The following UIMC1 variants were observed in gnomAD, a reference collection of about 807,000 sequenced individuals.
UIMC1 encodes BRCA1-A complex subunit RAP80.
A neutral mutation model predicts 84.9 loss-of-function variants in UIMC1; 42 were observed. The observed-to-expected ratio is 0.49, with a 90% CI of 0.39 to 0.64. The LOEUF (loss-of-function observed/expected upper bound fraction) is 0.64. Among genes scored for constraint, UIMC1 ranks in the 30% least tolerant of loss-of-function variants. The pLI is 0.00. For synonymous variants in UIMC1, 281 were observed against 293.0 expected (o/e 0.96, Z 0.42); for missense variants, 825 against 847.6 (o/e 0.97, Z 0.33).
chr5:176,950,043 A>C (rs1765650617), intron 9 of UIMC1, among the ~76,000 whole-genome samples: 1 of 151,086 alleles, frequency 6.6e-6, no homozygotes, highest in African/African-American at 2.4e-5. Flanking sequence ...AGACAAGAGC[A>C]AGACTTTGTC....
intron 1 of UIMC1, among the ~76,000 whole-genome samples, chr5:177,014,061 T>TC (rs201881697): frequency 0.083 from 12,004 of 144,418 alleles, 960 homozygotes; most frequent in African/African-American, 0.23. Flanking sequence ...TCTTTTCTTT[T>TC]TTTTTTTTTT....
chr5:176,953,547 C>CTTACAGGA (rs1228442071), intron 8 of UIMC1, among the ~76,000 whole-genome samples: 1 of 145,954 alleles, frequency 6.9e-6, no homozygotes, highest in Admixed American at 6.7e-5. Context: ...TGGAAAAAGG[C>CTTACAGGA]TTACAGGACA....
rs1449777020 is a variant in UIMC1 at position 176,960,619 on chromosome 5, C to A, written c.1201-2465G>T. On this transcript the variant is annotated intron_variant, in intron 6 of 14. Coordinates refer to ENST00000511320, the MANE Select transcript of UIMC1 (RefSeq NM_001199298.2). ...TTCAGCCCTCTCTCCCTCTCCCCCT[C>A]CCCCTCCCCCTCCGTCTCCGTCTCC... Among the ~76,000 whole-genome samples the A allele has an allele frequency of 6.9e-4, 8 of 11,592 alleles. 2 individuals are homozygous for A. In the South Asian group the frequency reaches 0.026, roughly 38 times the overall value. 7.6% of individuals were successfully genotyped at this position (11,592 alleles called of 152,430 possible).
In UIMC1 at chr5:176,958,011, C is replaced by T. The variant is rs538335218; in HGVS notation, c.1262+82G>A. 477 of 1,375,308 alleles carry T rather than the reference C, an allele frequency of 3.5e-4. 3 individuals are homozygous for T. In the African/African-American group the frequency reaches 5.5e-3, roughly 16 times the overall value. The allele number at this position is 1,375,308 out of a possible 1,614,324, so 85.2% of individuals were successfully genotyped here. Reference sequence around the variant, plus strand: ...TAAAAGTTCTCTGGCAAGCTGTCCACGTACAGTCTCACTCATGTGGTTCAT... The same window carrying T: ...TAAAAGTTCTCTGGCAAGCTGTCCATGTACAGTCTCACTCATGTGGTTCAT... On this transcript the variant is annotated intron_variant, in intron 7 of 14. Transcript: ENST00000511320.
intron 1 of UIMC1, among the ~76,000 whole-genome samples, chr5:177,015,868 G>A (rs1423509743): frequency 2.0e-5 from 3 of 152,010 alleles, no homozygotes; most frequent in Admixed American, 6.6e-5. Flanking sequence ...TCAAGAGTTC[G>A]AGACCAGTTT....
chr5:176,992,539 C>G (rs960046260), intron 1 of UIMC1, among the ~76,000 whole-genome samples: 2 of 151,304 alleles, frequency 1.3e-5, no homozygotes, highest in African/African-American at 2.4e-5. Flanking sequence ...ATAAATTTGA[C>G]TTTATTGAAA....
chr5:176,986,569 C>G (rs2456178), intron 1 of UIMC1, among the ~76,000 whole-genome samples: 84,058 of 145,202 alleles, frequency 0.58, 25,954 homozygotes, highest in African/African-American at 0.81. Flanking sequence ...GCTGGGCACA[C>G]TGGCTCACAC....
intron 2 of UIMC1, among the ~76,000 whole-genome samples, chr5:176,979,037 A>C (rs1231535224): frequency 6.6e-6 from 1 of 152,180 alleles, no homozygotes; most frequent in Non-Finnish European, 1.5e-5. Context: ...ATAAATGCCT[A>C]CCTAAAATAC....
chr5:177,018,428 G>A (rs143513605), intron 1 of UIMC1, among the ~76,000 whole-genome samples: 122 of 152,216 alleles, frequency 8.0e-4, no homozygotes, highest in African/African-American at 2.7e-3. Flanking sequence ...CTATAGTTTC[G>A]TTTGCACATG....
At chr5:176,967,121 T>A (rs911503200) in intron 6 of UIMC1, among the ~76,000 whole-genome samples, 1 of 152,204 alleles carries the variant, frequency 6.6e-6, no homozygotes, top group Non-Finnish European at 1.5e-5. Context: ...GGAGGGCAAT[T>A]TGGCAACAGC....
chr5:176,917,092 T>A (rs1182111225), intron 10 of UIMC1, among the ~76,000 whole-genome samples: 2 of 152,140 alleles, frequency 1.3e-5, no homozygotes, highest in Non-Finnish European at 2.9e-5. Flanking sequence ...TAGAAAATAA[T>A]GGGAAGCCAC....
chr5:176,946,503 C>G (rs1416536009), intron 9 of UIMC1, among the ~76,000 whole-genome samples: 1 of 151,586 alleles, frequency 6.6e-6, no homozygotes, highest in South Asian at 2.1e-4. Flanking sequence ...CAGAGCAAAA[C>G]TCTGCCTCCA....
intron 10 of UIMC1, among the ~76,000 whole-genome samples, chr5:176,918,273 T>C (rs1370381163): frequency 2.6e-5 from 4 of 152,200 alleles, no homozygotes; most frequent in African/African-American, 9.7e-5. Flanking sequence ...CCATATGAAG[T>C]TGCAGTTTTT....
chr5:176,959,121 G>A (rs560092960), intron 6 of UIMC1, among the ~76,000 whole-genome samples: 1 of 152,304 alleles, frequency 6.6e-6, no homozygotes, highest in South Asian at 2.1e-4. Flanking sequence ...TACAATAATA[G>A]GGAATATAGT....
intron 1 of UIMC1, among the ~76,000 whole-genome samples, chr5:177,020,330 T>G (rs1176177552): frequency 1.3e-5 from 2 of 152,248 alleles, no homozygotes; most frequent in African/African-American, 4.8e-5. Flanking sequence ...AAATGTCATT[T>G]TCCCAGAGGC....
intron 4 of UIMC1, chr5:176,970,121 A>C (rs1768970735): frequency 5.8e-6 from 1 of 173,186 alleles, no homozygotes; most frequent in Admixed American, 5.6e-5. Context: ...AAATACAAAA[A>C]ATTAGCTGGG....
intron 1 of UIMC1, among the ~76,000 whole-genome samples, chr5:176,991,717 G>C (rs891154951): frequency 6.6e-6 from 1 of 151,482 alleles, no homozygotes; most frequent in Non-Finnish European, 1.5e-5. Flanking sequence ...CAGATCACGA[G>C]GTCAGGAGAT....
At chr5:176,915,671 G>T (rs1166525306) in intron 10 of UIMC1, among the ~76,000 whole-genome samples, 1 of 151,034 alleles carries the variant, frequency 6.6e-6, no homozygotes, top group East Asian at 1.9e-4. Context: ...GGGCAGGCTG[G>T]TCTTGAACTC....
intron 1 of UIMC1, among the ~76,000 whole-genome samples, chr5:177,014,010 T>C (rs1775618013): frequency 6.6e-6 from 1 of 152,126 alleles, no homozygotes; most frequent in African/African-American, 2.4e-5. Flanking sequence ...ATAAACTATA[T>C]TGTTTGCACA....
Sources: allele counts gnomAD v4.1 joint callset (sites outside exome capture counted in the v4.1 genomes callset), GRCh38; gene constraint gnomAD v4.1.1; transcripts MANE v1.5; gene names NCBI Gene and HGNC (gene_info 2026-07-23, HGNC 2026-07-21).